The following EPG5 variants were observed in gnomAD, a reference collection of about 807,000 sequenced individuals.
EPG5 encodes the protein ectopic P-granules 5 autophagy tethering factor.
EPG5 carries 159 observed loss-of-function variants against 302.7 expected under a neutral mutation model. That is an observed-to-expected ratio of 0.53 (90% CI 0.46 to 0.60). EPG5 has a LOEUF of 0.60. Ranked by LOEUF, EPG5 falls within the 20% of genes least tolerant of loss-of-function variation. The pLI is 0.00. For missense variants in EPG5, 2,896 were observed against 3,092.4 expected, an observed-to-expected ratio of 0.94 and a Z score of 1.51; for synonymous variants, 1,158 against 1,136.8, an observed-to-expected ratio of 1.02 and a Z score of -0.37.
rs1019670310 is a variant in EPG5, at chr18:45,901,226, A to T, written c.4475-59T>A. ...TCAGGTGAATTAGCAGGAGAACAGA[A>T]GCATGTGGTACAATTCAGTAGAATT... On this transcript the variant is annotated intron_variant, in intron 25 of 43. Transcript: ENST00000282041. The T allele has an allele frequency of 4.2e-6, 6 of 1,444,120 alleles. No individual in the cohort carries two copies. In the African/African-American group the frequency reaches 7.0e-5, roughly 17 times the overall value. 89.5% of individuals were successfully genotyped at this position (1,444,120 alleles called of 1,614,324 possible).
At chr18:45,816,709 G>T in the EPG5 span, among the ~76,000 whole-genome samples, 2 of 152,204 alleles carry the variant, frequency 1.3e-5, no homozygotes, top group Non-Finnish European at 1.5e-5. Context: ...ACAGTGTGGT[G>T]ATTCCTTAAA....
At chr18:45,827,870 T>C in the EPG5 span, among the ~76,000 whole-genome samples, 649 of 152,324 alleles carry the variant, frequency 4.3e-3, 8 homozygotes, top group African/African-American at 0.014. Context: ...AGAGGAAGCA[T>C]GGGCTGTGGA....
intron 22 of EPG5, among the ~76,000 whole-genome samples, chr18:45,911,078 TACACACACA>T (rs2049884330): frequency 7.4e-6 from 1 of 135,334 alleles, no homozygotes; most frequent in Non-Finnish European, 1.6e-5. Flanking sequence ...TATCTATCTA[TACACACACA>T]CACACACACA....
chr18:45,821,151 C>T, the EPG5 span, among the ~76,000 whole-genome samples: 1 of 152,166 alleles, frequency 6.6e-6, no homozygotes, highest in Non-Finnish European at 1.5e-5. Context: ...GGAATGAGAG[C>T]GGTTTTCTTG....
At chr18:45,900,847 T>A (rs1265583721) in intron 26 of EPG5, 149 bp downstream of exon 26, 4 of 622,486 alleles carry the variant, frequency 6.4e-6, no homozygotes, top group Non-Finnish European at 1.1e-5. Flanking sequence ...TGTCACAACT[T>A]GGTTAACCAA....
Position 45,911,078 on chromosome 18 carries a change from T to TACACACAC in EPG5, c.3984-344_3984-337dup, listed in dbSNP as rs34212851. The stretch of plus-strand genomic sequence containing the variant: ...ATCTATCTATCTATCTATCTATCTA[T>TACACACAC]ACACACACACACACACACACACACA... On this transcript the variant is annotated intron_variant, in intron 22 of 43. Transcript: ENST00000282041. Among the ~76,000 whole-genome samples the TACACACAC allele has an allele frequency of 7.6e-3, 1,026 of 135,288 alleles. 17 individuals carry two copies. Among genetic ancestry groups the TACACACAC allele is most frequent in the African/African-American group, 0.027 (966 of 35,888 alleles). The allele number at this position is 135,288 out of a possible 152,430, so 88.8% of individuals were successfully genotyped here. A position where few individuals can be genotyped will look rare whatever the true frequency, so the allele number is the denominator to read the frequency against.
chr18:45,823,123 G>C, the EPG5 span, among the ~76,000 whole-genome samples: 1 of 152,174 alleles, frequency 6.6e-6, no homozygotes, highest in Non-Finnish European at 1.5e-5. Flanking sequence ...GTGACCATGG[G>C]AATGAGTTTT....
chr18:45,867,361 A>T (rs2048768590), intron 37 of EPG5, among the ~76,000 whole-genome samples: 1 of 152,246 alleles, frequency 6.6e-6, no homozygotes. Flanking sequence ...ATTCTAACTC[A>T]GTGTGGTTCT....
Position 45,916,105 on chromosome 18 carries a change from T to C in EPG5, c.3486A>G (p.Glu1162=). 1.2e-6 allele frequency: 2 copies of C among 1,614,196 alleles called. No individual in the cohort carries two copies. Among genetic ancestry groups the C allele is most frequent in the Non-Finnish European group, 8.5e-7 (1 of 1,180,032 alleles). Residue 1162 remains glutamate (E), a synonymous_variant, in exon 19 of 44, where the codon GAA becomes GAG. Transcript: ENST00000282041. ...ALISQHLWYR[E]QPILFLMDHL... is the part of the protein sequence containing the mutation. ...GGTCCATGAGGAAGAGGATAGGTTG[T>C]TCTCGGTACCAGAGATGCTGGCTTA...
chr18:45,903,941 C>A, intron 25 of EPG5, 32 bp downstream of exon 25: 1 of 1,580,070 alleles, frequency 6.3e-7, no homozygotes, highest in Non-Finnish European at 8.6e-7. Flanking sequence ...TTCATTCACT[C>A]ATTCGAAGGG....
Position 45,954,616 on chromosome 18 carries a change from GATT to G in EPG5, c.783_785del (p.Lys261_Ile262delinsAsn). The G allele has an allele frequency of 6.2e-7, 1 of 1,614,240 alleles. No individual in the cohort carries two copies. Among genetic ancestry groups the G allele is most frequent in the Non-Finnish European group, 8.5e-7 (1 of 1,180,042 alleles). On this transcript the variant is annotated inframe_deletion, in exon 2 of 44. Transcript: ENST00000282041. ...TTTCCAGCCATGAACCAGGCTCCAA[GATT>G]TTTAGCTGTTCTTTAGTAAATGGTA...
At chr18:45,826,933 G>A in the EPG5 span, among the ~76,000 whole-genome samples, 4 of 152,052 alleles carry the variant, frequency 2.6e-5, no homozygotes, top group Non-Finnish European at 5.9e-5. Flanking sequence ...TTTCTCTTTG[G>A]AGACAGAGTC....
intron 10 of EPG5, among the ~76,000 whole-genome samples, chr18:45,936,563 A>G (rs2145857031): frequency 6.6e-6 from 1 of 152,130 alleles, no homozygotes; most frequent in Middle Eastern, 3.4e-3. Context: ...CCCCATCTCT[A>G]CTAAAAATAT....
intron 1 of EPG5, among the ~76,000 whole-genome samples, chr18:45,962,395 T>C (rs1402208035): frequency 6.6e-6 from 1 of 152,178 alleles, no homozygotes; most frequent in Non-Finnish European, 1.5e-5. Context: ...ATATTAACTG[T>C]CAAAGAAAAC....
At chr18:45,870,953 G>A (rs181970529) in intron 35 of EPG5, among the ~76,000 whole-genome samples, 1 of 152,314 alleles carries the variant, frequency 6.6e-6, no homozygotes, top group East Asian at 1.9e-4. Context: ...TAACTGGAAT[G>A]AGCAGATGCT....
At position 45,948,556 on chromosome 18, in the gene EPG5, T is replaced by A; in HGVS notation, c.1518A>T (p.Pro506=). The change falls in exon 6 of 44, where the codon CCA becomes CCT. Residue 506 remains proline (P), a synonymous_variant. Transcript: ENST00000282041. ...ATTGCATAAAATGAAAGACCCCTGA[T>A]GGGTTATGCAACACTTTGATCTGAA... ...PFIQIKVLHN[P]SGVFHFMQSL... is the part of the protein sequence containing the mutation. The A allele has an allele frequency of 6.2e-7, 1 of 1,613,868 alleles. No individual in the cohort carries two copies. The highest frequency in any genetic ancestry group is 8.5e-7 in the Non-Finnish European group (1 of 1,179,820).
intron 21 of EPG5, among the ~76,000 whole-genome samples, chr18:45,912,844 T>G (rs1182669054): frequency 1.3e-5 from 2 of 152,090 alleles, no homozygotes; most frequent in Non-Finnish European, 2.9e-5. Context: ...TCCCAGCACT[T>G]TGGGAGGCCA....
chr18:45,860,979 A>G (rs2048622794), intron 39 of EPG5, among the ~76,000 whole-genome samples: 1 of 152,220 alleles, frequency 6.6e-6, no homozygotes, highest in South Asian at 2.1e-4. Flanking sequence ...TTTACAAGAG[A>G]ACTGCAAATC....
intron 10 of EPG5, among the ~76,000 whole-genome samples, chr18:45,938,333 G>A (rs1186598984): frequency 2.0e-5 from 3 of 151,968 alleles, no homozygotes; most frequent in African/African-American, 7.2e-5. Context: ...ATGATGGCAA[G>A]CGCCTGTAAT....
Sources: gnomAD v4.1 joint callset for allele counts (sites outside exome capture counted in the v4.1 genomes callset) on GRCh38, gnomAD v4.1.1 for gene constraint, MANE v1.5 for transcripts, NCBI Gene and HGNC (gene_info 2026-07-23, HGNC 2026-07-21) for gene names.